The following CCDC144A variants were observed in gnomAD, a reference collection of about 807,000 sequenced individuals.
CCDC144A encodes the protein coiled-coil domain-containing protein 144A.
In CCDC144A, 41 loss-of-function variants were observed where a neutral mutation model predicts 143.8. That is an observed-to-expected ratio of 0.29 (90% CI 0.22 to 0.37). CCDC144A has a LOEUF of 0.37. CCDC144A is among the 10% of genes least tolerant of loss of function. The pLI is 1.00. For missense variants in CCDC144A, 637 were observed against 1,488.8 expected, an observed-to-expected ratio of 0.43 and a Z score of 9.41; for synonymous variants, 242 against 517.9, an observed-to-expected ratio of 0.47 and a Z score of 7.23.
At chr17:16,759,574 C>A (rs1409054792) in intron 12 of CCDC144A, among the ~76,000 whole-genome samples, 1 of 150,532 alleles carries the variant, frequency 6.6e-6, no homozygotes, top group African/African-American at 2.4e-5. Flanking sequence ...AGTGCCCTTT[C>A]CTTCAGGTTC....
At chr17:16,717,375 G>T (rs183152590) in intron 6 of CCDC144A, among the ~76,000 whole-genome samples, 7 of 152,252 alleles carry the variant, frequency 4.6e-5, no homozygotes, top group African/African-American at 1.4e-4. Flanking sequence ...CTCCCAAAGT[G>T]CTGGGATTAC....
intron 2 of CCDC144A, among the ~76,000 whole-genome samples, chr17:16,696,756 A>T (rs1911440325): frequency 6.6e-6 from 1 of 152,064 alleles, no homozygotes; most frequent in African/African-American, 2.4e-5. Context: ...CCTAACTAAC[A>T]GTGGCTAAAA....
At chr17:16,757,783 A>G (rs536487610) in intron 12 of CCDC144A, among the ~76,000 whole-genome samples, 1 of 152,354 alleles carries the variant, frequency 6.6e-6, no homozygotes, top group East Asian at 1.9e-4. Flanking sequence ...CCTAGGCTCT[A>G]GACAGCACAC....
At chr17:16,729,686 G>T (rs576834299) in intron 9 of CCDC144A, among the ~76,000 whole-genome samples, 91 of 151,636 alleles carry the variant, frequency 6.0e-4, no homozygotes, top group Non-Finnish European at 8.5e-4. Flanking sequence ...CTCCTGAGTA[G>T]CTGTGATTAA....
At position 16,691,104 on chromosome 17, in the gene CCDC144A, C is replaced by T. The variant is rs572687568; in HGVS notation, c.344+360C>T. Among the ~76,000 whole-genome samples the T allele has an allele frequency of 3.3e-5, 5 of 151,778 alleles. 1 individual carries two copies. The highest frequency in any genetic ancestry group is 2.0e-4 in the Admixed American group (3 of 15,280). Reference sequence around the variant, plus strand: ...GTGGCTCATGCCTGTAATCCCAGCACTTTGGGAGGCCGAGGAGGGCAGATC... The same window carrying T: ...GTGGCTCATGCCTGTAATCCCAGCATTTTGGGAGGCCGAGGAGGGCAGATC... On this transcript the variant is annotated intron_variant, in intron 1 of 16. Coordinates refer to ENST00000399273, the MANE Select transcript of CCDC144A (RefSeq NM_001382000.1).
chr17:16,690,129 G>C, upstream of CCDC144A: 1 of 311,470 alleles, frequency 3.2e-6, no homozygotes. Flanking sequence ...TGCAGGCCAA[G>C]GAGTCTTTTT....
intron 13 of CCDC144A, 110 bp from the exon 14 acceptor site, chr17:16,762,203 G>C (rs1357258107): frequency 6.7e-7 from 1 of 1,500,334 alleles, no homozygotes; most frequent in African/African-American, 1.4e-5. Context: ...TCTGAATCAC[G>C]TACTTAAAAT....
chr17:16,687,845 C>G (rs1910838175), upstream of CCDC144A, among the ~76,000 whole-genome samples: 1 of 151,994 alleles, frequency 6.6e-6, no homozygotes, highest in African/African-American at 2.4e-5. Context: ...TTCCTCTGAT[C>G]CAGGTTAGAG....
Position 16,711,792 on chromosome 17 carries a change from G to A in CCDC144A, c.1692G>A (p.Arg564=), listed in dbSNP as rs2143136585. The A allele has an allele frequency of 6.3e-7, 1 of 1,587,662 alleles. No individual in the cohort carries two copies. Among genetic ancestry groups the A allele is most frequent in the South Asian group, 1.1e-5 (1 of 88,350 alleles). ...DDDGLNQQIP[R]KENGEHDRPA... ...ATGGACTAAATCAGCAGATTCCTAG[G>A]AAGGAAAATGGAGAGCATGACAGGT... is the stretch of plus-strand genomic sequence containing the variant. The change falls in exon 6 of 17, where the codon AGG becomes AGA. Residue 564 remains arginine (R), a synonymous_variant. Transcript: ENST00000399273.
intron 15 of CCDC144A, chr17:16,765,203 T>A (rs544424593): frequency 8.7e-6 from 1 of 115,242 alleles, no homozygotes; most frequent in Non-Finnish European, 1.7e-5. Context: ...TTAAGGTATT[T>A]GTCTAACATT....
At chr17:16,734,385 T>G (rs1016967914) in intron 11 of CCDC144A, among the ~76,000 whole-genome samples, 12 of 152,186 alleles carry the variant, frequency 7.9e-5, no homozygotes, top group African/African-American at 2.7e-4. Flanking sequence ...TTTAATGTAG[T>G]CAAATTTATT....
chr17:16,733,095 C>T (rs971395760), intron 11 of CCDC144A, among the ~76,000 whole-genome samples: 4 of 151,666 alleles, frequency 2.6e-5, no homozygotes, highest in Admixed American at 1.3e-4. Context: ...GTTCAGAGGC[C>T]GTACTTCAGA....
chr17:16,722,579 A>C (rs1315078919), intron 8 of CCDC144A, among the ~76,000 whole-genome samples: 2 of 152,106 alleles, frequency 1.3e-5, no homozygotes, highest in Non-Finnish European at 2.9e-5. Context: ...ATATTCTGTG[A>C]ATTTGGACAA....
chr17:16,776,584 G>C lies in CCDC144A; in HGVS notation c.*2951G>C, dbSNP rs893092158. The C allele has an allele frequency of 1.3e-5, 2 of 152,196 alleles. No individual in the cohort carries two copies. Among genetic ancestry groups the C allele is most frequent in the African/African-American group, 4.8e-5 (2 of 41,418 alleles). The allele number at this position is 152,196 out of a possible 1,614,324, so 9.4% of individuals were successfully genotyped here. The stretch of plus-strand genomic sequence containing the variant: ...GAGACTTTGTTGAAGTTGCTTATCA[G>C]CTAAGAAGTTTTTGAGCTGAGATGA... On this transcript the variant is annotated 3_prime_UTR_variant, in exon 17 of 17. Coordinates refer to ENST00000399273, the MANE Select transcript of CCDC144A (RefSeq NM_001382000.1).
intron 12 of CCDC144A, among the ~76,000 whole-genome samples, chr17:16,753,710 G>C (rs1452850889): frequency 3.3e-5 from 5 of 152,164 alleles, no homozygotes; most frequent in African/African-American, 1.2e-4. Flanking sequence ...ATCAGGTCAT[G>C]TGCACAGGGA....
intron 6 of CCDC144A, among the ~76,000 whole-genome samples, chr17:16,717,114 T>C (rs546944483): frequency 8.3e-4 from 121 of 146,602 alleles, no homozygotes; most frequent in African/African-American, 3.0e-3. Context: ...TTTTTTTTTT[T>C]TTTTTCTTTT....
At position 16,690,800 on chromosome 17, in the gene CCDC144A, C is replaced by T. The variant is rs1268629560; in HGVS notation, c.344+56C>T. The T allele has an allele frequency of 2.0e-6, 3 of 1,528,056 alleles. No individual in the cohort carries two copies. In the African/African-American group the frequency reaches 4.1e-5, roughly 21 times the overall value. The allele number at this position is 1,528,056 out of a possible 1,614,324, so 94.7% of individuals were successfully genotyped here. On this transcript the variant is annotated intron_variant, in intron 1 of 16. Coordinates refer to ENST00000399273, the MANE Select transcript of CCDC144A (RefSeq NM_001382000.1). ...GTCGGGGACACTGGCTTTCTGGTGCCCGCAGGCCCCACGGCACCCGGGATG... is the reference window on the plus strand; with the variant it reads ...GTCGGGGACACTGGCTTTCTGGTGCTCGCAGGCCCCACGGCACCCGGGATG...
chr17:16,699,990 C>T (rs1445378582), intron 2 of CCDC144A, among the ~76,000 whole-genome samples: 1 of 152,038 alleles, frequency 6.6e-6, no homozygotes, highest in African/African-American at 2.4e-5. Context: ...ACATGTAACA[C>T]ATCAACTTAA....
At chr17:16,682,883 G>GGTTTTTTTTTTTTTTTTT in the CCDC144A span, among the ~76,000 whole-genome samples, 1 of 46,432 alleles carries the variant, frequency 2.2e-5, no homozygotes, top group Non-Finnish European at 5.1e-5. Flanking sequence ...TGGATTCTCT[G>GGTTTTTTTTTTTTTTTTT]TTTTTTTTTT....
Sources: allele counts gnomAD v4.1 joint callset (sites outside exome capture counted in the v4.1 genomes callset), GRCh38; gene constraint gnomAD v4.1.1; transcripts MANE v1.5; gene names NCBI Gene and HGNC (gene_info 2026-07-23, HGNC 2026-07-21).